PLEKHM2: variants seen among roughly 807,000 people sequenced by gnomAD.
PLEKHM2 encodes the protein pleckstrin homology domain-containing family M member 2.
PLEKHM2 carries 77 observed loss-of-function variants against 116.3 expected under a neutral mutation model. That is an observed-to-expected ratio of 0.66 (90% CI 0.55 to 0.80). The LOEUF (loss-of-function observed/expected upper bound fraction) is 0.80. Among genes scored for constraint, PLEKHM2 ranks in the 30% least tolerant of loss-of-function variants. The pLI is 0.00. For synonymous variants in PLEKHM2, 562 were observed against 571.0 expected (o/e 0.98, Z 0.22); for missense variants, 1,183 against 1,354.9 (o/e 0.87, Z 1.99).
chr1:15,711,867 C>T (rs945311775), intron 1 of PLEKHM2, among the ~76,000 whole-genome samples: 1 of 151,888 alleles, frequency 6.6e-6, no homozygotes, highest in Non-Finnish European at 1.5e-5. Flanking sequence ...GCCTGTAATC[C>T]CAGCACTTTG....
chr1:15,722,660 ACT>A (rs1240935368), intron 7 of PLEKHM2: 1 of 152,142 alleles, frequency 6.6e-6, no homozygotes, highest in African/African-American at 2.4e-5. Flanking sequence ...AAATACCTTA[ACT>A]CTGTGAGAAA....
At chr1:15,722,798 C>A (rs370299742) in intron 7 of PLEKHM2, 2 of 152,110 alleles carry the variant, frequency 1.3e-5, no homozygotes, top group African/African-American at 4.8e-5. Flanking sequence ...CCCTCTTAGC[C>A]CCTCTTCTTG....
intron 1 of PLEKHM2, among the ~76,000 whole-genome samples, chr1:15,700,078 C>G (rs774539443): frequency 4.6e-5 from 7 of 152,044 alleles, no homozygotes; most frequent in Non-Finnish European, 8.8e-5. Flanking sequence ...AGGCACCCAG[C>G]AGCTGAAGCC....
Position 15,719,428 on chromosome 1 carries a change from G to A in PLEKHM2, c.466-306G>A, listed in dbSNP as rs1031619740. 1.3e-5 allele frequency among the ~76,000 whole-genome samples: 2 copies of A among 148,926 alleles called. No individual in the cohort carries two copies. The highest frequency in any genetic ancestry group is 5.1e-5 in the African/African-American group (2 of 39,020). ...GCCACGTCATTGCACTCCAGCCAGG[G>A]CAACAGAGTGAGACTCTGTCTCAAA... On this transcript the variant is annotated intron_variant, in intron 5 of 19. Coordinates refer to ENST00000375799, the MANE Select transcript of PLEKHM2 (RefSeq NM_015164.4). This position sits in a 1 kb window ranked among gnomAD's most constrained non-coding sequence, Gnocchi z 4.1.
At chr1:15,682,946 G>C (rs1444190259), upstream of PLEKHM2, 1 of 152,354 alleles carries the variant, frequency 6.6e-6, no homozygotes, top group Non-Finnish European at 1.5e-5. Flanking sequence ...ACCTCTAAGT[G>C]CAGGGGCTTT....
intron 19 of PLEKHM2, among the ~76,000 whole-genome samples, chr1:15,733,232 C>T (rs963610457): frequency 1.3e-5 from 2 of 152,218 alleles, no homozygotes; most frequent in African/African-American, 4.8e-5. Context: ...AAAACCCTGA[C>T]TCCCAGTGAG....
intron 8 of PLEKHM2, chr1:15,725,832 G>A (rs1023576895): frequency 1.1e-5 from 5 of 460,892 alleles, no homozygotes; most frequent in African/African-American, 2.0e-5. Context: ...TGCCGGTGTG[G>A]CCAGCCTCTG....
rs78958317 is a variant in PLEKHM2 at position 15,706,924 on chromosome 1, C to T, written c.61-9313C>T. On this transcript the variant is annotated intron_variant, in intron 1 of 19. Coordinates refer to ENST00000375799, the MANE Select transcript of PLEKHM2 (RefSeq NM_015164.4). The stretch of plus-strand genomic sequence containing the variant: ...CGGCTTGAGCCTTCCCTTCTGGCCA[C>T]TGCTGAACTGAGCTTTGAGCAAGAG... Among the ~76,000 whole-genome samples, 13 of 152,316 alleles carry T rather than the reference C, an allele frequency of 8.5e-5. No individual in the cohort carries two copies. In the East Asian group the frequency reaches 2.3e-3, roughly 27 times the overall value.
intron 1 of PLEKHM2, among the ~76,000 whole-genome samples, chr1:15,705,813 C>T (rs182994255): frequency 5.1e-4 from 78 of 152,192 alleles, no homozygotes; most frequent in African/African-American, 1.8e-3. Flanking sequence ...ATGGCAAGGC[C>T]GGATCTGGTG....
chr1:15,728,173 A>T lies in PLEKHM2; in HGVS notation c.1830+25A>T. ...AGTAAGTCCTAGGAACTCAGGAGTG[A>T]GCAAGAGACGGCAAGGGCAAGGCGG... is the stretch of plus-strand genomic sequence containing the variant. On this transcript the variant is annotated intron_variant, in intron 10 of 19. Coordinates refer to ENST00000375799, the MANE Select transcript of PLEKHM2 (RefSeq NM_015164.4). This position sits in a 1 kb window ranked among gnomAD's most constrained non-coding sequence, Gnocchi z 5.9. 4.4e-6 allele frequency: 7 copies of T among 1,608,756 alleles called. No homozygotes were observed. Among genetic ancestry groups the T allele is most frequent in the Non-Finnish European group, 6.0e-6 (7 of 1,176,398 alleles).
At chr1:15,712,228 G>A (rs555525933) in intron 1 of PLEKHM2, among the ~76,000 whole-genome samples, 109 of 152,122 alleles carry the variant, frequency 7.2e-4, no homozygotes, top group African/African-American at 2.5e-3. Flanking sequence ...AGAGAAACAC[G>A]TGGCTAATAT....
chr1:15,731,223 A>C lies in PLEKHM2; in HGVS notation c.2431A>C (p.Thr811Pro). The C allele has an allele frequency of 6.3e-7, 1 of 1,598,110 alleles. No homozygotes were observed. The highest frequency in any genetic ancestry group is 1.1e-5 in the South Asian group (1 of 88,308). ...NGILYQYPDRTDVIPLLSVNM... is the reference protein window; with the variant it reads ...NGILYQYPDRPDVIPLLSVNM... The stretch of plus-strand genomic sequence containing the variant: ...GATCCTCTACCAGTACCCGGACCGC[A>C]CCGACGTCATCCCTCTGCTCTCGGT... Residue 811 changes from threonine (T) to proline (P), a missense_variant, in exon 16 of 20, where the codon ACC (threonine) becomes CCC (proline). Physicochemically the swap from Thr to Pro is conservative, Grantham distance 38. Transcript: ENST00000375799.
rs1249719843 is a variant in PLEKHM2 at position 15,714,696 on chromosome 1, G to A, written c.61-1541G>A. Among the ~76,000 whole-genome samples, 3 of 152,148 alleles carry A rather than the reference G, an allele frequency of 2.0e-5. No individual in the cohort carries two copies. In the East Asian group the frequency reaches 5.8e-4, roughly 29 times the overall value. On this transcript the variant is annotated intron_variant, in intron 1 of 19. Transcript: ENST00000375799. ...TGGTTGATGTATCTTGCCTGCTGTG[G>A]CCATCTCTACCACTGCTTCCAGAAA... is the stretch of plus-strand genomic sequence containing the variant.
At chr1:15,695,321 T>C (rs775776746) in intron 1 of PLEKHM2, among the ~76,000 whole-genome samples, 1 of 152,176 alleles carries the variant, frequency 6.6e-6, no homozygotes, top group Non-Finnish European at 1.5e-5. Context: ...ACACTTTTGC[T>C]CCAAGTTGTT....
Position 15,719,914 on chromosome 1 carries a change from A to G in PLEKHM2, c.646A>G (p.Ser216Gly), listed in dbSNP as rs374683119. ...GGATGACAGTGCGATTGCCCCATCT[A>G]GTGAGGGTGAGTGGCCCCAGGGCAG... The part of the protein sequence containing the change: ...EWDDSAIAPS[S>G]EDYDFGDVFP... Residue 216 changes from serine to glycine, a missense_variant, in exon 6 of 20, where the codon AGT becomes GGT. Physicochemically the swap from Ser to Gly is moderately conservative, Grantham distance 56. Around this residue, in one of 3 missense-constraint regions of PLEKHM2, gnomAD observed 217 missense variants for 277.6 expected, o/e 0.78. Transcript: ENST00000375799. This position sits in a 1 kb window ranked among gnomAD's most constrained non-coding sequence, Gnocchi z 4.1. 2.8e-5 allele frequency: 45 copies of G among 1,611,436 alleles called. 1 individual carries two copies. In the South Asian group the frequency reaches 4.5e-4, roughly 16 times the overall value.
intron 1 of PLEKHM2, among the ~76,000 whole-genome samples, chr1:15,705,958 G>A (rs796470686): frequency 4.6e-5 from 7 of 152,172 alleles, no homozygotes; most frequent in East Asian, 1.9e-4. Flanking sequence ...CTGTGGTGTC[G>A]CACACCTGCA....
chr1:15,683,706 C>T (rs1190767663), upstream of PLEKHM2, among the ~76,000 whole-genome samples: 2 of 148,620 alleles, frequency 1.3e-5, no homozygotes, highest in East Asian at 4.1e-4. Flanking sequence ...CTGTGGGGGT[C>T]CCCAGCAGGT....
At position 15,695,750 on chromosome 1, in the gene PLEKHM2, C is replaced by T. The variant is rs918869467; in HGVS notation, c.60+11132C>T. 2.6e-5 allele frequency among the ~76,000 whole-genome samples: 4 copies of T among 151,954 alleles called. No individual in the cohort carries two copies. In the East Asian group the frequency reaches 5.8e-4, roughly 22 times the overall value. On this transcript the variant is annotated intron_variant, in intron 1 of 19. Transcript: ENST00000375799. ...TGGTCTCCAACTCAGGTGATCTGCCCGCCTCAGCCTCCCAAAGTGCTGGGA... is the reference window on the plus strand; with the variant it reads ...TGGTCTCCAACTCAGGTGATCTGCCTGCCTCAGCCTCCCAAAGTGCTGGGA...
At chr1:15,716,558 G>T in intron 2 of PLEKHM2, 149 bp from the exon 3 acceptor site, 1 of 746,320 alleles carries the variant, frequency 1.3e-6, no homozygotes, top group African/African-American at 1.7e-5. Flanking sequence ...TGCCACAAAT[G>T]ATATGATGGT....
Sources: allele counts gnomAD v4.1 joint callset (sites outside exome capture counted in the v4.1 genomes callset), GRCh38; gene constraint gnomAD v4.1.1; regional missense constraint gnomAD v4.1.1; non-coding constraint Gnocchi (gnomAD v3.1); transcripts MANE v1.5; gene names NCBI Gene and HGNC (gene_info 2026-07-23, HGNC 2026-07-21).